The following ANK2 variants were observed in gnomAD, a reference collection of about 807,000 sequenced individuals.
ANK2 encodes the protein ankyrin-2.
In ANK2, 83 loss-of-function variants were observed where a neutral mutation model predicts 360.5. That is an observed-to-expected ratio of 0.23 (90% confidence interval 0.19 to 0.28). ANK2 has a LOEUF of 0.28. ANK2 is among the 10% of genes least tolerant of loss of function. ANK2 has a pLI of 1.00. For synonymous variants in ANK2, 1,740 were observed against 1,759.5 expected (o/e 0.99, Z 0.28); for missense variants, 4,201 against 4,795.7 (o/e 0.88, Z 3.66).
intron 1 of ANK2, among the ~76,000 whole-genome samples, chr4:112,821,909 A>G (rs2057162795): frequency 6.6e-6 from 1 of 151,716 alleles, no homozygotes; most frequent in African/African-American, 2.4e-5. Context: ...CTGGGACCAC[A>G]GGTGTGTGCC....
intron 2 of ANK2, among the ~76,000 whole-genome samples, chr4:112,952,204 T>C (rs2095067209): frequency 6.6e-6 from 1 of 152,212 alleles, no homozygotes; most frequent in Admixed American, 6.5e-5. Flanking sequence ...TTATGTAGTA[T>C]TTTCACTTTG....
At chr4:112,754,506 G>T in the ANK2 span, among the ~76,000 whole-genome samples, 1 of 78,264 alleles carries the variant, frequency 1.3e-5, no homozygotes. Flanking sequence ...ATTGTTATGA[G>T]TTTTTTTTTT....
intron 9 of ANK2, 123 bp from the exon 10 acceptor site, chr4:113,249,641 T>C: frequency 3.5e-6 from 3 of 867,732 alleles, no homozygotes; most frequent in Non-Finnish European, 5.7e-6. Flanking sequence ...AAATTGCAGT[T>C]CTATTACTTA....
At position 113,353,800 on chromosome 4, in the gene ANK2, C is replaced by A. The variant is rs1396790291; in HGVS notation, c.5182C>A (p.Leu1728Ile). 2 of 1,613,936 alleles carry A rather than the reference C, an allele frequency of 1.2e-6. No individual in the cohort carries two copies. The highest frequency in any genetic ancestry group is 1.7e-6 in the Non-Finnish European group (2 of 1,179,952). ...ACAAGCTAGTGCAGAGAAAGCTGAA[C>A]TTAAAAAAGGTAGTTCAGAAGAGTC... is the stretch of plus-strand genomic sequence containing the variant. Reference protein sequence around the residue: ...GLQASAEKAELKKGSSEESLG... With the variant: ...GLQASAEKAEIKKGSSEESLG... The change falls in exon 38 of 46, where the codon CTT becomes ATT. Residue 1728 changes from leucine (L) to isoleucine (I), a missense_variant. Transcript: ENST00000357077.
chr4:112,893,837 A>T (rs572415403), intron 1 of ANK2, among the ~76,000 whole-genome samples: 1 of 152,262 alleles, frequency 6.6e-6, no homozygotes, highest in East Asian at 1.9e-4. Flanking sequence ...TCTACTAAAA[A>T]CACAAAAAAG....
the ANK2 span, among the ~76,000 whole-genome samples, chr4:112,720,494 A>G: frequency 1.3e-5 from 2 of 151,992 alleles, no homozygotes; most frequent in African/African-American, 4.8e-5. Context: ...AATTGGTCTC[A>G]CTCTCTGCAG....
chr4:113,267,950 T>C (rs2056896948), intron 14 of ANK2, among the ~76,000 whole-genome samples: 1 of 152,238 alleles, frequency 6.6e-6, no homozygotes, highest in Admixed American at 6.5e-5. Context: ...TAGTTATCCT[T>C]GAAGAGGTCC....
At chr4:112,883,848 TATC>T (rs1234791845) in intron 1 of ANK2, among the ~76,000 whole-genome samples, 14 of 148,828 alleles carry the variant, frequency 9.4e-5, no homozygotes, top group Non-Finnish European at 1.9e-4. Flanking sequence ...TATATAAAAA[TATC>T]ATTCATTCAT....
At chr4:112,750,505 T>G in the ANK2 span, among the ~76,000 whole-genome samples, 1 of 152,204 alleles carries the variant, frequency 6.6e-6, no homozygotes, top group African/African-American at 2.4e-5. Flanking sequence ...CTGTACAGTT[T>G]GTAGCCTAGG....
chr4:113,166,180 C>T (rs943230718), intron 1 of ANK2, among the ~76,000 whole-genome samples: 5 of 152,176 alleles, frequency 3.3e-5, no homozygotes, highest in African/African-American at 1.2e-4. Flanking sequence ...ATAATAAACA[C>T]CTAAGAAAGT....
intron 2 of ANK2, among the ~76,000 whole-genome samples, chr4:112,939,986 T>C (rs2094084447): frequency 6.6e-6 from 1 of 152,280 alleles, no homozygotes; most frequent in African/African-American, 2.4e-5. Context: ...CCTTTGATTA[T>C]ATTTAAATGA....
At chr4:112,995,968 C>G (rs1250491659) in intron 2 of ANK2, among the ~76,000 whole-genome samples, 1 of 152,134 alleles carries the variant, frequency 6.6e-6, no homozygotes, top group Non-Finnish European at 1.5e-5. Flanking sequence ...CATACCATGC[C>G]TAGCTCTTCC....
chr4:113,154,454 T>A (rs2097205610), intron 1 of ANK2, among the ~76,000 whole-genome samples: 1 of 152,192 alleles, frequency 6.6e-6, no homozygotes. Context: ...TGATCCTTCC[T>A]TGGAATTGAG....
chr4:112,867,331 T>C (rs908693747), intron 1 of ANK2, among the ~76,000 whole-genome samples: 8 of 152,066 alleles, frequency 5.3e-5, no homozygotes, highest in Admixed American at 3.9e-4. Context: ...TCTTCACTTG[T>C]CATTTATGCC....
intron 2 of ANK2, among the ~76,000 whole-genome samples, chr4:112,993,968 A>G (rs2047705556): frequency 6.6e-6 from 1 of 152,116 alleles, no homozygotes; most frequent in African/African-American, 2.4e-5. Context: ...TTGGCCTCCC[A>G]AAGTGCTGGG....
chr4:113,049,777 A>G lies in ANK2; in HGVS notation c.49A>G (p.Asn17Asp), dbSNP rs1424055453. 19 of 1,613,738 alleles carry G rather than the reference A, an allele frequency of 1.2e-5. No homozygotes were observed. The highest frequency in any genetic ancestry group is 1.6e-5 in the Non-Finnish European group (19 of 1,179,828). The change falls in exon 1 of 46, where the codon AAC (asparagine) becomes GAC (aspartate). Residue 17 changes from asparagine (N) to aspartate (D), a missense_variant. By Grantham distance (23) the Asn-to-Asp change is conservative. This residue lies in a region of ANK2 where 169 missense variants were observed against 191.1 expected (regional missense o/e 0.88). Coordinates refer to ENST00000357077, the MANE Select transcript of ANK2 (RefSeq NM_001148.6). ...GAAAAGCGACAGTGGAGAGAAGTTCAACGGCAGTAGTCAGAGGAGAAAAAG... is the reference window on the plus strand; with the variant it reads ...GAAAAGCGACAGTGGAGAGAAGTTCGACGGCAGTAGTCAGAGGAGAAAAAG... ...AQKSDSGEKFNGSSQRRKRPK... is the reference protein window; with the variant it reads ...AQKSDSGEKFDGSSQRRKRPK...
At chr4:113,269,263 C>G (rs2057525420) in intron 14 of ANK2, among the ~76,000 whole-genome samples, 1 of 152,174 alleles carries the variant, frequency 6.6e-6, no homozygotes, top group Non-Finnish European at 1.5e-5. Context: ...TGGCTTCAGC[C>G]CCCTTTCCAG....
intron 1 of ANK2, among the ~76,000 whole-genome samples, chr4:112,867,055 G>A (rs901179631): frequency 1.3e-5 from 2 of 151,692 alleles, no homozygotes; most frequent in African/African-American, 4.8e-5. Flanking sequence ...CACTTTAAAA[G>A]TTATTATGTA....
At chr4:112,974,847 GAA>G (rs766021382) in intron 2 of ANK2, among the ~76,000 whole-genome samples, 1 of 124,252 alleles carries the variant, frequency 8.0e-6, no homozygotes. Context: ...TATAGAAAAA[GAA>G]AAAAAAAAAA....
Sources: gnomAD v4.1 joint callset for allele counts (sites outside exome capture counted in the v4.1 genomes callset) on GRCh38, gnomAD v4.1.1 for gene constraint, gnomAD v4.1.1 regional missense constraint, MANE v1.5 for transcripts, NCBI Gene and HGNC (gene_info 2026-07-23, HGNC 2026-07-21) for gene names.